Variants in SORCS3 observed in about 807,000 individuals in gnomAD.
SORCS3 encodes the protein VPS10 domain-containing receptor SorCS3.
In SORCS3, 57 loss-of-function variants were observed where a neutral mutation model predicts 146.3. The observed-to-expected ratio is 0.39, with a 90% CI of 0.31 to 0.49. SORCS3 has a LOEUF of 0.49. SORCS3 is among the 20% of genes least tolerant of loss of function. SORCS3 has a pLI of 0.92. For missense variants in SORCS3, 1,341 were observed against 1,575.5 expected (o/e 0.85, Z 2.52); for synonymous variants, 653 against 618.5 (o/e 1.06, Z -0.83).
At chr10:104,995,150 C>T (rs1451077620) in intron 4 of SORCS3, among the ~76,000 whole-genome samples, 4 of 145,216 alleles carry the variant, frequency 2.8e-5, no homozygotes, top group African/African-American at 2.6e-5. Context: ...CTTTTCTTTT[C>T]TTTCTTTCTT....
chr10:104,684,081 G>C (rs2016013608), intron 1 of SORCS3, among the ~76,000 whole-genome samples: 1 of 152,156 alleles, frequency 6.6e-6, no homozygotes, highest in African/African-American at 2.4e-5. Flanking sequence ...AAGTTTCCAG[G>C]AATCAAGGTG....
intron 4 of SORCS3, among the ~76,000 whole-genome samples, chr10:105,028,189 C>G (rs2055243303): frequency 6.6e-6 from 1 of 152,198 alleles, no homozygotes; most frequent in Non-Finnish European, 1.5e-5. Context: ...ACCATGTAAA[C>G]TCCATGGAGT....
intron 5 of SORCS3, among the ~76,000 whole-genome samples, chr10:105,077,319 A>G (rs547661710): frequency 6.6e-6 from 1 of 152,234 alleles, no homozygotes; most frequent in Non-Finnish European, 1.5e-5. Flanking sequence ...CACTAAGTGT[A>G]TTTCATGACC....
chr10:104,797,406 G>A (rs946136378), intron 1 of SORCS3, among the ~76,000 whole-genome samples: 1 of 152,088 alleles, frequency 6.6e-6, no homozygotes, highest in Non-Finnish European at 1.5e-5. Flanking sequence ...AGCCACATTT[G>A]CCATTGGTTT....
At chr10:104,822,129 A>G (rs776801170) in intron 1 of SORCS3, 1 of 518,022 alleles carries the variant, frequency 1.9e-6, no homozygotes, top group Non-Finnish European at 3.9e-6. Flanking sequence ...CTAGATCAGG[A>G]ATCTGATCTG....
In SORCS3 at chr10:105,089,979, G is replaced by A. The variant is rs74157419; in HGVS notation, c.1093+140G>A. ...GCCACATCCATCCTTAATTCCCAGA[G>A]TAAGGGTGAGAAGTCCTTTCCTAAG... On this transcript the variant is annotated intron_variant, in intron 6 of 26. Coordinates refer to ENST00000369701, the MANE Select transcript of SORCS3 (RefSeq NM_014978.3). 4.5e-3 allele frequency: 3,009 copies of A among 669,532 alleles called. 60 individuals are homozygous for A. In the African/African-American group the frequency reaches 0.047, roughly 10 times the overall value. 41.5% of individuals were successfully genotyped at this position (669,532 alleles called of 1,614,324 possible).
intron 1 of SORCS3, among the ~76,000 whole-genome samples, chr10:104,690,679 C>T (rs750216905): frequency 2.0e-4 from 30 of 152,266 alleles, no homozygotes; most frequent in Admixed American, 5.2e-4. Flanking sequence ...CTTTTCCCTC[C>T]TTGTTCATCA....
At chr10:104,724,870 C>A (rs2016603842) in intron 1 of SORCS3, among the ~76,000 whole-genome samples, 2 of 152,154 alleles carry the variant, frequency 1.3e-5, no homozygotes, top group Admixed American at 1.3e-4. Context: ...TCTAGTTAGC[C>A]ATTCGTCTAA....
chr10:105,117,369 C>T (rs1490792861), intron 7 of SORCS3, among the ~76,000 whole-genome samples: 2 of 152,068 alleles, frequency 1.3e-5, no homozygotes, highest in African/African-American at 4.8e-5. Flanking sequence ...TTCTTGGATC[C>T]CTGCTATGTA....
At chr10:105,241,497 A>T (rs2056823032) in intron 20 of SORCS3, among the ~76,000 whole-genome samples, 1 of 152,206 alleles carries the variant, frequency 6.6e-6, no homozygotes, top group Non-Finnish European at 1.5e-5. Flanking sequence ...CATGTGGGGC[A>T]GCTGCCCTCT....
intron 2 of SORCS3, among the ~76,000 whole-genome samples, chr10:104,914,270 A>G (rs911648756): frequency 1.3e-5 from 2 of 152,230 alleles, no homozygotes; most frequent in African/African-American, 4.8e-5. Context: ...GAAACAGAGC[A>G]TAGAGAAATC....
At chr10:104,705,346 A>G (rs7070242) in intron 1 of SORCS3, among the ~76,000 whole-genome samples, 98,740 of 150,594 alleles carry the variant, frequency 0.66, 32,480 homozygotes, top group East Asian at 0.7. Context: ...TTTTCATGGA[A>G]TAGAAACCAA....
intron 5 of SORCS3, among the ~76,000 whole-genome samples, chr10:105,071,223 G>A (rs982498056): frequency 2.0e-5 from 3 of 152,104 alleles, no homozygotes; most frequent in African/African-American, 7.2e-5. Flanking sequence ...TACTCCAAGA[G>A]TAAAGGCAAC....
intron 14 of SORCS3, among the ~76,000 whole-genome samples, chr10:105,180,071 A>G (rs914702634): frequency 6.6e-6 from 1 of 152,222 alleles, no homozygotes; most frequent in Non-Finnish European, 1.5e-5. Flanking sequence ...GAGAGCTTCT[A>G]ATATATATCA....
intron 15 of SORCS3, 43 bp from the exon 16 acceptor site, chr10:105,201,077 T>C (rs1237512852): frequency 1.3e-6 from 2 of 1,597,890 alleles, no homozygotes; most frequent in Non-Finnish European, 1.7e-6. Flanking sequence ...TTTCACCACC[T>C]TTTTGTTTTT....
At chr10:105,175,039 AC>A (rs1460920694) in intron 13 of SORCS3, among the ~76,000 whole-genome samples, 1 of 151,824 alleles carries the variant, frequency 6.6e-6, no homozygotes, top group Non-Finnish European at 1.5e-5. Context: ...GCTAATGCTG[AC>A]CTTTTTTATT....
intron 15 of SORCS3, among the ~76,000 whole-genome samples, chr10:105,200,491 G>A (rs2056568387): frequency 6.6e-6 from 1 of 152,162 alleles, no homozygotes. Flanking sequence ...AGACTAGCCT[G>A]AAATAAGGGA....
chr10:104,836,021 G>A (rs552296561), intron 1 of SORCS3, among the ~76,000 whole-genome samples: 1 of 152,338 alleles, frequency 6.6e-6, no homozygotes, highest in Non-Finnish European at 1.5e-5. Context: ...GCTGGGTCTT[G>A]AGTTCAGCCC....
rs143369817 is a variant in SORCS3 at position 104,839,205 on chromosome 10, T to C, written c.628-3587T>C. On this transcript the variant is annotated intron_variant, in intron 1 of 26. Transcript: ENST00000369701. ...TACCTTAAGTTGTTTAGACTTTAGT[T>C]GAGAAGGCCACTCATGTAACGTTCA... Among the ~76,000 whole-genome samples, 453 of 152,330 alleles carry C rather than the reference T, an allele frequency of 3.0e-3. 2 individuals are homozygous for C. Among genetic ancestry groups the C allele is most frequent in the South Asian group, 0.019 (93 of 4,830 alleles).
Sources: allele counts gnomAD v4.1 joint callset (sites outside exome capture counted in the v4.1 genomes callset), GRCh38; gene constraint gnomAD v4.1.1; transcripts MANE v1.5; gene names NCBI Gene and HGNC (gene_info 2026-07-23, HGNC 2026-07-21).